Variants in SOHLH2 observed in about 807,000 individuals in gnomAD.
SOHLH2 encodes spermatogenesis- and oogenesis-specific basic helix-loop-helix-containing protein 2.
A neutral mutation model predicts 50.4 loss-of-function variants in SOHLH2; 22 were observed. The ratio of observed to expected loss-of-function variants is 0.44; its 90% confidence interval spans 0.31 to 0.62. SOHLH2 has a LOEUF of 0.62. SOHLH2 is among the 20% of genes least tolerant of loss of function. SOHLH2 has a pLI of 0.08. For missense variants in SOHLH2, 412 were observed against 504.4 expected, an observed-to-expected ratio of 0.82 and a Z score of 1.76; for synonymous variants, 185 against 187.3, an observed-to-expected ratio of 0.99 and a Z score of 0.10.
At position 36,168,842 on chromosome 13, in the gene SOHLH2, GC is replaced by G; in HGVS notation, c.*191del. 1.1e-6 allele frequency: 1 copy of G among 910,880 alleles called. No homozygotes were observed. Among genetic ancestry groups the G allele is most frequent in the Non-Finnish European group, 1.5e-6 (1 of 652,776 alleles). The allele number at this position is 910,880 out of a possible 1,614,324, so 56.4% of individuals were successfully genotyped here. On this transcript the variant is annotated 3_prime_UTR_variant, in exon 11 of 11. Transcript: ENST00000379881. ...GTATGAAGATGAGTGACAGTGTGTG[GC>G]CAGCTTTTTCGCTGCTGGTCTTTCT...
chr13:36,202,371 C>A (rs1485407054), intron 1 of SOHLH2, among the ~76,000 whole-genome samples: 1 of 152,182 alleles, frequency 6.6e-6, no homozygotes, highest in East Asian at 1.9e-4. Flanking sequence ...CTGCAAATTT[C>A]TCTCTCATCC....
chr13:36,176,861 A>G (rs922954086), intron 6 of SOHLH2, among the ~76,000 whole-genome samples: 7 of 152,150 alleles, frequency 4.6e-5, no homozygotes, highest in Admixed American at 1.3e-4. Context: ...ACATAAGCAC[A>G]TTACACTCCT....
chr13:36,178,108 C>A (rs758998349), intron 6 of SOHLH2, among the ~76,000 whole-genome samples: 3 of 151,614 alleles, frequency 2.0e-5, no homozygotes, highest in Admixed American at 2.0e-4. Context: ...ATTAAAAATT[C>A]TTTTCCTAAG....
At chr13:36,173,652 G>GGGCAC (rs775506109) in intron 9 of SOHLH2, 40 bp downstream of exon 9, 2 of 1,609,684 alleles carry the variant, frequency 1.2e-6, no homozygotes, top group East Asian at 2.2e-5. Flanking sequence ...GGGCAGGGCA[G>GGGCAC]GTCCCCCTCT....
intron 9 of SOHLH2, among the ~76,000 whole-genome samples, chr13:36,171,155 T>C (rs533813190): frequency 2.0e-5 from 3 of 152,274 alleles, no homozygotes; most frequent in East Asian, 1.9e-4. Flanking sequence ...TATAGCTATA[T>C]TCTACATGGT....
intron 6 of SOHLH2, among the ~76,000 whole-genome samples, chr13:36,177,358 G>A (rs577171000): frequency 6.6e-6 from 1 of 152,092 alleles, no homozygotes; most frequent in Admixed American, 6.6e-5. Context: ...CCAGTTTTGG[G>A]TTATTACAAA....
At chr13:36,206,912 T>C (rs1215762569) in intron 1 of SOHLH2, among the ~76,000 whole-genome samples, 1 of 151,550 alleles carries the variant, frequency 6.6e-6, no homozygotes, top group Non-Finnish European at 1.5e-5. Flanking sequence ...TATGTTTACA[T>C]AGTATGTTAT....
At chr13:36,211,123 C>A (rs1233609486) in intron 1 of SOHLH2, among the ~76,000 whole-genome samples, 1 of 152,120 alleles carries the variant, frequency 6.6e-6, no homozygotes, top group Non-Finnish European at 1.5e-5. Context: ...TTAATTGAAG[C>A]GAATATGAAT....
chr13:36,171,807 A>G (rs1334634563), intron 9 of SOHLH2, among the ~76,000 whole-genome samples: 2 of 152,236 alleles, frequency 1.3e-5, no homozygotes, highest in Non-Finnish European at 2.9e-5. Flanking sequence ...ATAAATGATT[A>G]AAACTATTAA....
chr13:36,184,074 A>G (rs1593942286), intron 6 of SOHLH2, among the ~76,000 whole-genome samples: 2 of 152,208 alleles, frequency 1.3e-5, no homozygotes, highest in East Asian at 1.9e-4. Context: ...TCAAATGCAT[A>G]TAGAACATTC....
chr13:36,214,382 C>T, intron 1 of SOHLH2, 97 bp downstream of exon 1: 1 of 1,417,596 alleles, frequency 7.1e-7, no homozygotes, highest in South Asian at 1.3e-5. Flanking sequence ...ACAATGAGAG[C>T]TCCCCAGGCC....
At chr13:36,214,336 G>C (rs1869304606) in intron 1 of SOHLH2, 143 bp downstream of exon 1, 1 of 1,019,666 alleles carries the variant, frequency 9.8e-7, no homozygotes, top group South Asian at 1.7e-5. Context: ...GTCCTGGAAG[G>C]GGCCCTTCCT....
At chr13:36,176,874 A>G (rs191795928) in intron 6 of SOHLH2, among the ~76,000 whole-genome samples, 1 of 152,244 alleles carries the variant, frequency 6.6e-6, no homozygotes, top group East Asian at 1.9e-4. Flanking sequence ...ACACTCCTAA[A>G]TGTATCAGTA....
Position 36,169,230 on chromosome 13 carries a change from T to G in SOHLH2, c.1258-176A>C, listed in dbSNP as rs528217270. On this transcript the variant is annotated intron_variant, in intron 10 of 10. Coordinates refer to ENST00000379881, the MANE Select transcript of SOHLH2 (RefSeq NM_017826.3). ...AATATATATTCTTATTAAAAGTAAT[T>G]ATTTTCTCACAACAATTCAACAAAA... is the stretch of plus-strand genomic sequence containing the variant. Among the ~76,000 whole-genome samples the G allele has an allele frequency of 1.1e-3, 174 of 152,262 alleles. 1 individual carries two copies. Among genetic ancestry groups the G allele is most frequent in the Admixed American group, 1.6e-3 (25 of 15,286 alleles).
intron 1 of SOHLH2, 129 bp downstream of exon 1, chr13:36,214,350 A>C: frequency 2.6e-6 from 3 of 1,151,228 alleles, no homozygotes; most frequent in African/African-American, 1.6e-5. Context: ...CCTTCCTGCT[A>C]TTCGCTCCCC....
At position 36,169,060 on chromosome 13, in the gene SOHLH2, A is replaced by T; in HGVS notation, c.1258-6T>A. 1 of 1,606,808 alleles carries T rather than the reference A, an allele frequency of 6.2e-7. No individual in the cohort carries two copies. Among genetic ancestry groups the T allele is most frequent in the South Asian group, 1.1e-5 (1 of 89,678 alleles). ...TAATACGCCCAAAACTGTTGCTGCA[A>T]AGAAGGGGGAAAAACCCACATTAAT... On this transcript the variant is annotated splice_polypyrimidine_tract_variant and splice_region_variant and intron_variant, in intron 10 of 10. Coordinates refer to ENST00000379881, the MANE Select transcript of SOHLH2 (RefSeq NM_017826.3).
intron 2 of SOHLH2, among the ~76,000 whole-genome samples, chr13:36,197,252 C>T (rs904619834): frequency 6.6e-6 from 1 of 152,230 alleles, no homozygotes; most frequent in South Asian, 2.1e-4. Flanking sequence ...GAGGCTACAC[C>T]TCACTTTTGA....
chr13:36,196,372 C>T lies in SOHLH2; in HGVS notation c.264-2505G>A, dbSNP rs556582475. Among the ~76,000 whole-genome samples, 10 of 152,086 alleles carry T rather than the reference C, an allele frequency of 6.6e-5. No homozygotes were observed. The East Asian group carries it at 1.6e-3, about 24-fold the overall frequency. ...AACTCCTGGCCTCAGGCAATCTTCCCGCTTCAACCTCCCAAAGTGCTGAGA... is the reference window on the plus strand; with the variant it reads ...AACTCCTGGCCTCAGGCAATCTTCCTGCTTCAACCTCCCAAAGTGCTGAGA... On this transcript the variant is annotated intron_variant, in intron 2 of 10. Coordinates refer to ENST00000379881, the MANE Select transcript of SOHLH2 (RefSeq NM_017826.3).
At chr13:36,210,868 C>A (rs147182203) in intron 1 of SOHLH2, among the ~76,000 whole-genome samples, 1 of 152,288 alleles carries the variant, frequency 6.6e-6, no homozygotes, top group East Asian at 1.9e-4. Context: ...AGCGTTGGGG[C>A]CCTACTAGTG....
Sources: allele counts gnomAD v4.1 joint callset (sites outside exome capture counted in the v4.1 genomes callset), GRCh38; gene constraint gnomAD v4.1.1; transcripts MANE v1.5; gene names NCBI Gene and HGNC (gene_info 2026-07-23, HGNC 2026-07-21).